KLF9: variants seen among roughly 807,000 people sequenced by gnomAD.
KLF9 encodes the protein Krueppel-like factor 9.
Under a neutral mutation model 17.3 loss-of-function variants are expected in KLF9, and 2 were observed. That is an observed-to-expected ratio of 0.12 (90% CI 0.05 to 0.36). The LOEUF (loss-of-function observed/expected upper bound fraction) is 0.36. Ranked by LOEUF, KLF9 falls within the 10% of genes least tolerant of loss-of-function variation. KLF9 has a pLI of 1.00. For synonymous variants in KLF9, 138 were observed against 139.2 expected, an observed-to-expected ratio of 0.99 and a Z score of 0.06; for missense variants, 226 against 333.2, an observed-to-expected ratio of 0.68 and a Z score of 2.51.
In KLF9 at chr9:70,386,756, A is replaced by T. The variant is rs539312266; in HGVS notation, c.*1020T>A. 6.6e-6 allele frequency: 1 copy of T among 152,466 alleles called. No homozygotes were observed. Among genetic ancestry groups the T allele is most frequent in the South Asian group, 2.1e-4 (1 of 4,832 alleles). 9.4% of individuals were successfully genotyped at this position (152,466 alleles called of 1,614,324 possible). A position where few individuals can be genotyped will look rare whatever the true frequency, so the allele number is the denominator to read the frequency against. On this transcript the variant is annotated 3_prime_UTR_variant, in exon 2 of 2. Coordinates refer to ENST00000377126, the MANE Select transcript of KLF9 (RefSeq NM_001206.4). ...CATAGGAAAATTTGGAAAAGTTAAT[A>T]GAGTTAAAATTCTGTTGGTTCTTTT... is the stretch of plus-strand genomic sequence containing the variant.
At chr9:70,401,606 G>T (rs1228573171) in intron 1 of KLF9, among the ~76,000 whole-genome samples, 1 of 140,314 alleles carries the variant, frequency 7.1e-6, no homozygotes. Flanking sequence ...AGAATCACAT[G>T]AACCTGGGAG....
At chr9:70,408,665 T>C (rs1449200442) in intron 1 of KLF9, among the ~76,000 whole-genome samples, 1 of 152,128 alleles carries the variant, frequency 6.6e-6, no homozygotes, top group African/African-American at 2.4e-5. Context: ...CAGACTCTCC[T>C]TGACCAAACA....
At chr9:70,397,346 ATG>A in intron 1 of KLF9, among the ~76,000 whole-genome samples, 1 of 152,088 alleles carries the variant, frequency 6.6e-6, no homozygotes, top group African/African-American at 2.4e-5. Flanking sequence ...ATGGTGGCAC[ATG>A]CCTGTAATCC....
In KLF9 at chr9:70,414,478, A is replaced by G. The variant is rs764325581; in HGVS notation, c.-1115T>C. The G allele has an allele frequency of 2.0e-4, 30 of 152,218 alleles. No individual in the cohort carries two copies. Among genetic ancestry groups the G allele is most frequent in the Non-Finnish European group, 3.4e-4 (23 of 68,046 alleles). 9.4% of individuals were successfully genotyped at this position (152,218 alleles called of 1,614,324 possible). Reference sequence around the variant, plus strand: ...AGGGCGTTCCGAAAGCAAGCGCTCGACACTTGTAAACGCGAAGAGCTGTAG... The same window carrying G: ...AGGGCGTTCCGAAAGCAAGCGCTCGGCACTTGTAAACGCGAAGAGCTGTAG... On this transcript the variant is annotated 5_prime_UTR_variant, in exon 1 of 2. Coordinates refer to ENST00000377126, the MANE Select transcript of KLF9 (RefSeq NM_001206.4).
chr9:70,397,829 T>A (rs1415608585), intron 1 of KLF9, among the ~76,000 whole-genome samples: 2 of 152,132 alleles, frequency 1.3e-5, no homozygotes, highest in African/African-American at 4.8e-5. Context: ...CCATCTGGCT[T>A]CTCTCCTCAC....
chr9:70,394,791 T>C (rs1470330342), intron 1 of KLF9, among the ~76,000 whole-genome samples: 1 of 152,150 alleles, frequency 6.6e-6, no homozygotes, highest in Non-Finnish European at 1.5e-5. Context: ...AGCCTAACAA[T>C]AAAAGTTCAG....
At chr9:70,405,097 A>G (rs867856717) in intron 1 of KLF9, among the ~76,000 whole-genome samples, 2 of 152,130 alleles carry the variant, frequency 1.3e-5, no homozygotes, top group African/African-American at 4.8e-5. Context: ...ATGGTGAAAC[A>G]TTTTCTTCTC....
At chr9:70,400,107 C>T (rs1269779120) in intron 1 of KLF9, among the ~76,000 whole-genome samples, 1 of 152,038 alleles carries the variant, frequency 6.6e-6, no homozygotes, top group African/African-American at 2.4e-5. Context: ...TCTTGGAAGC[C>T]CCACACAGGC....
chr9:70,410,306 C>T (rs977892679), intron 1 of KLF9, among the ~76,000 whole-genome samples: 4 of 152,216 alleles, frequency 2.6e-5, no homozygotes, highest in African/African-American at 9.6e-5. Context: ...CCTGTGTTGG[C>T]CAAGCCAAAC....
In KLF9 at chr9:70,412,952, C is replaced by A. The variant is rs564471543; in HGVS notation, c.412G>T (p.Ala138Ser). 1 of 1,614,128 alleles carries A rather than the reference C, an allele frequency of 6.2e-7. No homozygotes were observed. Among genetic ancestry groups the A allele is most frequent in the Non-Finnish European group, 8.5e-7 (1 of 1,180,022 alleles). ...HPGVAAKGKH[A>S]SEKRHKCPYS... ...GGGCACTTGTGCCTCTTTTCGGAGG[C>A]GTGTTTCCCCTTCGCAGCCACTCCA... The change falls in exon 1 of 2, where the codon GCC (alanine) becomes TCC (serine). Residue 138 changes from alanine to serine, a missense_variant. Coordinates refer to ENST00000377126, the MANE Select transcript of KLF9 (RefSeq NM_001206.4).
In KLF9 at chr9:70,413,143, C is replaced by T; in HGVS notation, c.221G>A (p.Arg74Gln). ...AKSLLDLNKY[R>Q]PIQTPSVCSD... ...GCACACGGAGGGGGTCTGGATGGGT[C>T]GGTACTTGTTCAGGTCCAACAAGCT... Residue 74 changes from arginine to glutamine, a missense_variant, in exon 1 of 2, where the codon CGA (arginine) becomes CAA (glutamine). Transcript: ENST00000377126. The surrounding 1 kb of genome is among the most constrained non-coding windows in gnomAD (Gnocchi z 5.6). 4 of 1,614,140 alleles carry T rather than the reference C, an allele frequency of 2.5e-6. No homozygotes were observed. In the South Asian group the frequency reaches 4.4e-5, roughly 18 times the overall value.
chr9:70,405,012 A>G (rs2037246928), intron 1 of KLF9, among the ~76,000 whole-genome samples: 1 of 152,194 alleles, frequency 6.6e-6, no homozygotes, highest in East Asian at 1.9e-4. Flanking sequence ...TGACTGTTCA[A>G]TATGAAATAG....
intron 1 of KLF9, among the ~76,000 whole-genome samples, chr9:70,408,484 C>T (rs2037272922): frequency 1.3e-5 from 2 of 152,126 alleles, no homozygotes; most frequent in South Asian, 4.1e-4. Flanking sequence ...AGGTACAGGG[C>T]TTCCGTTCCA....
chr9:70,396,403 G>C (rs2037181986), intron 1 of KLF9, among the ~76,000 whole-genome samples: 1 of 152,202 alleles, frequency 6.6e-6, no homozygotes, highest in African/African-American at 2.4e-5. Flanking sequence ...GAAATGGAAA[G>C]ATGTTAGCCA....
intron 1 of KLF9, among the ~76,000 whole-genome samples, chr9:70,392,078 C>T (rs1173015535): frequency 6.6e-6 from 1 of 152,182 alleles, no homozygotes; most frequent in African/African-American, 2.4e-5. Context: ...ATCCCAGCTA[C>T]TGGGGATGAG....
chr9:70,407,247 T>C (rs964164491), intron 1 of KLF9, among the ~76,000 whole-genome samples: 3 of 152,198 alleles, frequency 2.0e-5, no homozygotes, highest in African/African-American at 7.2e-5. Context: ...GCGTCAACAA[T>C]TGAGACAGGA....
At chr9:70,412,203 A>AAG (rs2037321806) in intron 1 of KLF9, among the ~76,000 whole-genome samples, 1 of 150,610 alleles carries the variant, frequency 6.6e-6, no homozygotes, top group East Asian at 1.9e-4. Context: ...AAAAAAAAAA[A>AAG]AAAAAAAAAA....
chr9:70,401,274 G>C (rs902005828), intron 1 of KLF9, among the ~76,000 whole-genome samples: 6 of 151,992 alleles, frequency 3.9e-5, no homozygotes, highest in African/African-American at 1.5e-4. Context: ...TTGAGCCAAG[G>C]AGCATGAGGA....
intron 1 of KLF9, among the ~76,000 whole-genome samples, chr9:70,400,908 C>T (rs2037216348): frequency 6.6e-6 from 1 of 152,116 alleles, no homozygotes; most frequent in Non-Finnish European, 1.5e-5. Context: ...CAGAGCTGTC[C>T]ACCCTTCACA....
Sources: gnomAD v4.1 joint callset for allele counts (sites outside exome capture counted in the v4.1 genomes callset) on GRCh38, gnomAD v4.1.1 for gene constraint, Gnocchi (gnomAD v3.1) non-coding constraint, MANE v1.5 for transcripts, NCBI Gene and HGNC (gene_info 2026-07-23, HGNC 2026-07-21) for gene names.